The following KIF6 variants were observed in gnomAD, a reference collection of about 807,000 sequenced individuals.
The protein encoded by KIF6 is kinesin-like protein KIF6.
Under a neutral mutation model 112.7 loss-of-function variants are expected in KIF6, and 106 were observed. That is an observed-to-expected ratio of 0.94 (90% CI 0.80 to 1.11). The LOEUF is 1.11. KIF6 is among the 50% of genes least tolerant of loss of function. The pLI is 0.00. For synonymous variants in KIF6, 339 were observed against 339.9 expected (o/e 1.00, Z 0.03); for missense variants, 929 against 964.0 (o/e 0.96, Z 0.48).
At chr6:39,702,132 C>T (rs1009006295) in intron 3 of KIF6, among the ~76,000 whole-genome samples, 1 of 152,128 alleles carries the variant, frequency 6.6e-6, no homozygotes, top group Non-Finnish European at 1.5e-5. Context: ...CTAGTATAGC[C>T]TCTGCTGATT....
intron 2 of KIF6, among the ~76,000 whole-genome samples, chr6:39,719,325 A>G (rs1381649200): frequency 7.0e-6 from 1 of 142,288 alleles, no homozygotes; most frequent in Non-Finnish European, 1.5e-5. Flanking sequence ...TCTCAAAAAA[A>G]AGAAAAGAAT....
At chr6:39,678,541 C>G (rs1371268183) in intron 3 of KIF6, among the ~76,000 whole-genome samples, 1 of 152,202 alleles carries the variant, frequency 6.6e-6, no homozygotes, top group Non-Finnish European at 1.5e-5. Context: ...AACATTCCCA[C>G]TGTGTTCCAC....
intron 13 of KIF6, among the ~76,000 whole-genome samples, chr6:39,523,346 A>G (rs1282286727): frequency 6.6e-6 from 1 of 152,054 alleles, no homozygotes; most frequent in African/African-American, 2.4e-5. Context: ...TGCTCTTTCT[A>G]TAACAGAAAT....
At chr6:39,554,640 C>T in intron 10 of KIF6, 1 of 153,478 alleles carries the variant, frequency 6.5e-6, no homozygotes, top group Non-Finnish European at 1.5e-5. Context: ...TTCTTTCCTG[C>T]TGGATAGCAG....
chr6:39,411,324 A>G (rs1170185417), intron 15 of KIF6, among the ~76,000 whole-genome samples: 5 of 152,180 alleles, frequency 3.3e-5, no homozygotes, highest in Non-Finnish European at 5.9e-5. Flanking sequence ...AGCTCCTATT[A>G]CAGCTTGGAG....
intron 5 of KIF6, among the ~76,000 whole-genome samples, chr6:39,617,931 C>A (rs567479844): frequency 6.6e-6 from 1 of 152,156 alleles, no homozygotes; most frequent in South Asian, 2.1e-4. Context: ...TCTCAATATC[C>A]TTTTTGTTTC....
rs571705140 is a variant in KIF6 at position 39,357,201 on chromosome 6, C to T, written c.2180+76G>A. The T allele has an allele frequency of 1.4e-4, 115 of 838,334 alleles. 1 individual carries two copies. The highest frequency in any genetic ancestry group is 1.2e-3 in the African/African-American group (72 of 58,028). 51.9% of individuals were successfully genotyped at this position (838,334 alleles called of 1,614,324 possible). ...ATGGCTTATCAAGAGACATGAGAGC[C>T]ACAGGAATAGGTTAAACAGAAAGGT... On this transcript the variant is annotated intron_variant, in intron 19 of 22. Coordinates refer to ENST00000287152, the MANE Select transcript of KIF6 (RefSeq NM_145027.6).
intron 13 of KIF6, among the ~76,000 whole-genome samples, chr6:39,470,864 TG>T (rs1774082653): frequency 6.6e-6 from 1 of 151,386 alleles, no homozygotes. Context: ...CTTTATAACG[TG>T]GGCTCCCTTA....
intron 13 of KIF6, among the ~76,000 whole-genome samples, chr6:39,491,013 C>T (rs547672129): frequency 6.6e-6 from 1 of 152,226 alleles, no homozygotes; most frequent in East Asian, 1.9e-4. Flanking sequence ...ACAACAATAT[C>T]TCCCATTACA....
At chr6:39,545,370 T>G (rs1417205962) in intron 11 of KIF6, among the ~76,000 whole-genome samples, 5 of 152,210 alleles carry the variant, frequency 3.3e-5, no homozygotes, top group Admixed American at 3.3e-4. Context: ...ACAAAAGAAT[T>G]AGAAGTCCAT....
In KIF6 at chr6:39,336,514, T is replaced by C. The variant is rs964080768; in HGVS notation, c.*18A>G. On this transcript the variant is annotated 3_prime_UTR_variant, in exon 23 of 23. Coordinates refer to ENST00000287152, the MANE Select transcript of KIF6 (RefSeq NM_145027.6). ...CATTCTTGCTGGCATAATTCATGGATGGATATTTCCTGGAAATTCAATTGC... is the reference window on the plus strand; with the variant it reads ...CATTCTTGCTGGCATAATTCATGGACGGATATTTCCTGGAAATTCAATTGC... 6.2e-6 allele frequency: 10 copies of C among 1,613,256 alleles called. No homozygotes were observed. The highest frequency in any genetic ancestry group is 1.1e-5 in the South Asian group (1 of 91,058).
intron 13 of KIF6, among the ~76,000 whole-genome samples, chr6:39,493,991 T>TTC (rs1269061847): frequency 6.6e-6 from 1 of 152,208 alleles, no homozygotes; most frequent in East Asian, 1.9e-4. Flanking sequence ...AGGAGGAATA[T>TTC]TCTCCATTTC....
intron 14 of KIF6, among the ~76,000 whole-genome samples, chr6:39,423,627 A>C (rs1770540935): frequency 6.6e-6 from 1 of 152,172 alleles, no homozygotes; most frequent in South Asian, 2.1e-4. Flanking sequence ...GACTGTACCC[A>C]AAAAGAACTA....
At position 39,336,560 on chromosome 6, in the gene KIF6, A is replaced by G; in HGVS notation, c.2429-12T>C. On this transcript the variant is annotated splice_polypyrimidine_tract_variant and intron_variant, in intron 22 of 22. Coordinates refer to ENST00000287152, the MANE Select transcript of KIF6 (RefSeq NM_145027.6). The stretch of plus-strand genomic sequence containing the variant: ...ATTGCTTCCCAAACCTGAAAGGGAG[A>G]CAGGATGCTTTTGGTTAGGCTGTGC... 1.9e-6 allele frequency: 3 copies of G among 1,613,902 alleles called. No homozygotes were observed. Among genetic ancestry groups the G allele is most frequent in the Non-Finnish European group, 2.5e-6 (3 of 1,179,836 alleles).
chr6:39,691,454 T>C (rs1788204400), intron 3 of KIF6: 1 of 152,222 alleles, frequency 6.6e-6, no homozygotes, highest in African/African-American at 2.4e-5. Flanking sequence ...GAAGTTCCTT[T>C]CAACCCTAGG....
At chr6:39,509,602 G>C (rs144329823) in intron 13 of KIF6, among the ~76,000 whole-genome samples, 30 of 152,266 alleles carry the variant, frequency 2.0e-4, no homozygotes, top group African/African-American at 6.7e-4. Context: ...TTCAATAGCT[G>C]ATTCGATCAA....
intron 1 of KIF6, among the ~76,000 whole-genome samples, chr6:39,721,531 C>T (rs906841851): frequency 6.6e-6 from 1 of 152,116 alleles, no homozygotes; most frequent in African/African-American, 2.4e-5. Flanking sequence ...CCTACTCCAT[C>T]ATTTTTATTG....
chr6:39,398,794 T>C (rs903632393), intron 15 of KIF6, among the ~76,000 whole-genome samples: 8 of 152,244 alleles, frequency 5.3e-5, no homozygotes, highest in South Asian at 2.1e-4. Flanking sequence ...TAAAAAGTAA[T>C]GCTTGTACTT....
intron 1 of KIF6, among the ~76,000 whole-genome samples, chr6:39,724,824 C>T (rs1321459135): frequency 6.6e-6 from 1 of 152,198 alleles, no homozygotes; most frequent in Non-Finnish European, 1.5e-5. Flanking sequence ...CTTGCTTGCA[C>T]GTTTTGCCCG....
Sources: allele counts gnomAD v4.1 joint callset (sites outside exome capture counted in the v4.1 genomes callset), GRCh38; gene constraint gnomAD v4.1.1; transcripts MANE v1.5; gene names NCBI Gene and HGNC (gene_info 2026-07-23, HGNC 2026-07-21).